The following PAN3 variants were observed in gnomAD, a reference collection of about 807,000 sequenced individuals.
The protein encoded by PAN3 is poly(A) specific ribonuclease subunit PAN3.
A neutral mutation model predicts 96.2 loss-of-function variants in PAN3; 19 were observed. That is an observed-to-expected ratio of 0.20 (90% CI 0.14 to 0.29). The LOEUF (loss-of-function observed/expected upper bound fraction) is 0.29. PAN3 is among the 10% of genes least tolerant of loss of function. The pLI, the probability that PAN3 is intolerant of heterozygous loss-of-function variation, is 1.00. For missense variants in PAN3, 882 were observed against 1,108.1 expected, an observed-to-expected ratio of 0.80 and a Z score of 2.90; for synonymous variants, 433 against 406.6, an observed-to-expected ratio of 1.06 and a Z score of -0.78.
rs570320086 is a variant in PAN3, at chr13:28,189,564, A to G, written c.691-7621A>G. 1.1e-4 allele frequency among the ~76,000 whole-genome samples: 17 copies of G among 152,202 alleles called. 1 individual carries two copies. The South Asian group carries it at 3.5e-3, about 32-fold the overall frequency. On this transcript the variant is annotated intron_variant, in intron 4 of 18. Coordinates refer to ENST00000380958, the MANE Select transcript of PAN3 (RefSeq NM_175854.8). ...CAAAAAAACTCTCAGTGTTAAGATC[A>G]AGCTCCAAGGGGGCAAGGAGCTACA...
chr13:28,248,582 T>C (rs1251790804), intron 6 of PAN3, among the ~76,000 whole-genome samples: 1 of 152,106 alleles, frequency 6.6e-6, no homozygotes, highest in Non-Finnish European at 1.5e-5. Flanking sequence ...CGGAGTTCAG[T>C]GGTGCAATGT....
chr13:28,193,912 T>A (rs1877633072), intron 4 of PAN3, among the ~76,000 whole-genome samples: 1 of 151,832 alleles, frequency 6.6e-6, no homozygotes, highest in Admixed American at 6.6e-5. Flanking sequence ...ATCCCAGCAC[T>A]TTGGGAGGCC....
chr13:28,271,846 G>A, intron 13 of PAN3, 135 bp from the exon 14 acceptor site: 3 of 521,690 alleles, frequency 5.8e-6, no homozygotes, highest in Non-Finnish European at 9.9e-6. Context: ...GGTGGAGGTG[G>A]TGTGGGGTAG....
chr13:28,264,233 A>T (rs1456625643), intron 9 of PAN3, among the ~76,000 whole-genome samples: 1 of 152,182 alleles, frequency 6.6e-6, no homozygotes, highest in Non-Finnish European at 1.5e-5. Flanking sequence ...ATGCTCTTTT[A>T]AAAAGATATA....
chr13:28,191,511 A>T (rs964624858), intron 4 of PAN3, among the ~76,000 whole-genome samples: 1 of 152,154 alleles, frequency 6.6e-6, no homozygotes, highest in African/African-American at 2.4e-5. Context: ...GCTGCTAAAC[A>T]TCCTACAATG....
intron 6 of PAN3, among the ~76,000 whole-genome samples, chr13:28,227,267 A>G (rs956186665): frequency 4.6e-5 from 7 of 152,350 alleles, no homozygotes; most frequent in African/African-American, 1.4e-4. Context: ...AATAGCTACC[A>G]GTAGATAATA....
At chr13:28,220,190 G>T in intron 5 of PAN3, 41 bp from the exon 6 acceptor site, 2 of 1,578,620 alleles carry the variant, frequency 1.3e-6, no homozygotes, top group Non-Finnish European at 1.7e-6. Context: ...TCTTTTTTCG[G>T]CTTAAAGTGT....
intron 4 of PAN3, among the ~76,000 whole-genome samples, chr13:28,192,912 A>G (rs923742406): frequency 3.3e-5 from 5 of 152,210 alleles, no homozygotes; most frequent in African/African-American, 7.2e-5. Context: ...TTACATTGCT[A>G]CCATCTCTTT....
intron 6 of PAN3, among the ~76,000 whole-genome samples, chr13:28,237,844 T>C (rs1304270449): frequency 1.3e-5 from 2 of 152,176 alleles, no homozygotes; most frequent in Non-Finnish European, 2.9e-5. Context: ...GCAGAGTCAC[T>C]ACCTTCCTAA....
chr13:28,291,685 G>T (rs542277717), intron 18 of PAN3, among the ~76,000 whole-genome samples: 102 of 152,164 alleles, frequency 6.7e-4, no homozygotes, highest in African/African-American at 2.1e-3. Context: ...CAAAATATTA[G>T]CTGGGCGTGG....
At chr13:28,265,700 A>G (rs2138642541) in intron 9 of PAN3, among the ~76,000 whole-genome samples, 1 of 151,772 alleles carries the variant, frequency 6.6e-6, no homozygotes, top group South Asian at 2.1e-4. Flanking sequence ...AAAAATTATC[A>G]GTTGTTTTTG....
chr13:28,216,213 C>T (rs539189000), intron 5 of PAN3, among the ~76,000 whole-genome samples: 86 of 145,358 alleles, frequency 5.9e-4, no homozygotes, highest in African/African-American at 2.2e-3. Flanking sequence ...AAAAAAAAAG[C>T]CAGGTAAAAA....
At chr13:28,216,956 AAAC>A (rs1880848894) in intron 5 of PAN3, among the ~76,000 whole-genome samples, 1 of 151,798 alleles carries the variant, frequency 6.6e-6, no homozygotes, top group African/African-American at 2.4e-5. Context: ...TCTCCACTAA[AAAC>A]AAAAATTAGC....
chr13:28,167,941 T>C (rs1873806463), intron 1 of PAN3, among the ~76,000 whole-genome samples: 1 of 152,228 alleles, frequency 6.6e-6, no homozygotes, highest in Non-Finnish European at 1.5e-5. Context: ...GCTTAGTGAT[T>C]TATCCTGTCA....
At chr13:28,150,972 G>T (rs1365171244) in intron 1 of PAN3, among the ~76,000 whole-genome samples, 1 of 152,148 alleles carries the variant, frequency 6.6e-6, no homozygotes, top group Non-Finnish European at 1.5e-5. Flanking sequence ...AAAGGTAATA[G>T]AGTAAGAGGC....
intron 4 of PAN3, 75 bp downstream of exon 4, chr13:28,178,010 C>A: frequency 7.3e-7 from 1 of 1,374,816 alleles, no homozygotes; most frequent in Non-Finnish European, 1.0e-6. Context: ...TATGTAGTGT[C>A]AATGTTTTTG....
At chr13:28,179,982 AATG>A (rs2138131212) in intron 4 of PAN3, among the ~76,000 whole-genome samples, 1 of 152,312 alleles carries the variant, frequency 6.6e-6, no homozygotes, top group South Asian at 2.1e-4. Flanking sequence ...ATTTGAAAAT[AATG>A]TTAGTAGAAA....
Position 28,138,883 on chromosome 13 carries a change from GC to G in PAN3, c.230del (p.Pro77ArgfsTer76). The G allele has an allele frequency of 4.9e-6, 7 of 1,414,534 alleles. No homozygotes were observed. The highest frequency in any genetic ancestry group is 1.6e-5 in the South Asian group (1 of 62,542). The allele number at this position is 1,414,534 out of a possible 1,614,324, so 87.6% of individuals were successfully genotyped here. A position where few individuals can be genotyped will look rare whatever the true frequency, so the allele number is the denominator to read the frequency against. On this transcript the variant is annotated frameshift_variant, in exon 1 of 19. Transcript: ENST00000380958. LOFTEE classifies it high-confidence loss of function. ...FLHEDPAAGA[A>X]PGLGLHSNSV... ...GCATGAGGACCCTGCCGCCGGGGCT[GC>G]CCCGGGCCTCGGCCTCCATAGCAAC...
chr13:28,184,517 G>C (rs1566166919), intron 4 of PAN3, among the ~76,000 whole-genome samples: 1 of 152,058 alleles, frequency 6.6e-6, no homozygotes, highest in Non-Finnish European at 1.5e-5. Flanking sequence ...CCTTATGCCT[G>C]CTTCTTTTTC....
Sources: allele counts gnomAD v4.1 joint callset (sites outside exome capture counted in the v4.1 genomes callset), GRCh38; gene constraint gnomAD v4.1.1; transcripts MANE v1.5; gene names NCBI Gene and HGNC (gene_info 2026-07-23, HGNC 2026-07-21).